MYO5B: variants seen among roughly 807,000 people sequenced by gnomAD.
MYO5B encodes the protein myosin VB, also known as unconventional myosin-Vb.
Under a neutral mutation model 229.3 loss-of-function variants are expected in MYO5B, and 143 were observed. The observed-to-expected ratio is 0.62, with a 90% CI of 0.54 to 0.72. The LOEUF is 0.72. Among genes scored for constraint, MYO5B ranks in the 30% least tolerant of loss-of-function variants. The pLI, the probability that MYO5B is intolerant of heterozygous loss-of-function variation, is 0.00. For synonymous variants in MYO5B, 918 were observed against 885.2 expected (o/e 1.04, Z -0.66); for missense variants, 2,321 against 2,331.0 (o/e 1.00, Z 0.09).
At chr18:50,102,215 C>A (rs1273572482) in intron 1 of MYO5B, among the ~76,000 whole-genome samples, 16 of 152,060 alleles carry the variant, frequency 1.1e-4, no homozygotes, top group Admixed American at 9.8e-4. Context: ...CAGATGGACA[C>A]AAGGAGGGGA....
At chr18:49,846,157 C>A (rs896710138) in intron 33 of MYO5B, among the ~76,000 whole-genome samples, 20 of 152,194 alleles carry the variant, frequency 1.3e-4, no homozygotes, top group Admixed American at 6.5e-5. Context: ...ATCGCAGGGA[C>A]AGTAAAAGCC....
At chr18:50,055,062 T>A (rs189416749) in intron 2 of MYO5B, among the ~76,000 whole-genome samples, 1 of 152,106 alleles carries the variant, frequency 6.6e-6, no homozygotes, top group African/African-American at 2.4e-5. Context: ...AATAAACACT[T>A]ATTTTTTGTG....
chr18:49,847,437 C>T (rs1260381613), intron 32 of MYO5B, 148 bp from the exon 33 acceptor site: 20 of 988,104 alleles, frequency 2.0e-5, no homozygotes, highest in Non-Finnish European at 3.1e-5. Context: ...GGGCAGGGGG[C>T]ATACTGGGTT....
chr18:50,075,424 T>C (rs2031056746), intron 1 of MYO5B, among the ~76,000 whole-genome samples: 1 of 152,216 alleles, frequency 6.6e-6, no homozygotes, highest in Non-Finnish European at 1.5e-5. Flanking sequence ...CCCTTCTTCA[T>C]AGCAGGGCAA....
At chr18:49,866,489 T>G (rs1213094274) in intron 27 of MYO5B, among the ~76,000 whole-genome samples, 2 of 152,350 alleles carry the variant, frequency 1.3e-5, no homozygotes, top group South Asian at 4.1e-4. Flanking sequence ...TCTGTCCCTA[T>G]GAAACACTAA....
intron 27 of MYO5B, among the ~76,000 whole-genome samples, chr18:49,868,035 A>C (rs1598844411): frequency 2.0e-5 from 3 of 152,346 alleles, no homozygotes; most frequent in Middle Eastern, 6.8e-3. Flanking sequence ...AATTTTAATC[A>C]ACCATGGAAA....
At chr18:49,910,451 AAAGT>A (rs1291192991) in intron 18 of MYO5B, among the ~76,000 whole-genome samples, 6 of 152,144 alleles carry the variant, frequency 3.9e-5, no homozygotes, top group Non-Finnish European at 7.3e-5. Flanking sequence ...TTGTCCATAA[AAAGT>A]AAGATGTTAA....
intron 22 of MYO5B, among the ~76,000 whole-genome samples, chr18:49,891,330 C>T (rs892295681): frequency 7.2e-5 from 11 of 152,192 alleles, no homozygotes; most frequent in Non-Finnish European, 1.3e-4. Flanking sequence ...CCCCACAGGT[C>T]ACCCTCCATC....
chr18:50,096,655 G>C (rs2031557192), intron 1 of MYO5B, among the ~76,000 whole-genome samples: 1 of 152,088 alleles, frequency 6.6e-6, no homozygotes, highest in East Asian at 1.9e-4. Context: ...GTACCCACTT[G>C]CCCCAGCACC....
intron 1 of MYO5B, among the ~76,000 whole-genome samples, chr18:50,104,141 T>G (rs2031707659): frequency 7.0e-6 from 1 of 141,884 alleles, no homozygotes; most frequent in Non-Finnish European, 1.5e-5. Flanking sequence ...CACTCCAGCC[T>G]GGGCAACAGA....
At chr18:50,092,396 A>G (rs1309271930) in intron 1 of MYO5B, among the ~76,000 whole-genome samples, 2 of 152,242 alleles carry the variant, frequency 1.3e-5, no homozygotes, top group Non-Finnish European at 2.9e-5. Context: ...GACAGGCCCA[A>G]GGTCACATGG....
chr18:49,955,790 T>C (rs1483720688), intron 12 of MYO5B, among the ~76,000 whole-genome samples: 1 of 152,260 alleles, frequency 6.6e-6, no homozygotes, highest in Non-Finnish European at 1.5e-5. Context: ...GTTTTATATT[T>C]GTCTCCAAGC....
At chr18:50,093,182 A>C (rs938444997) in intron 1 of MYO5B, among the ~76,000 whole-genome samples, 1 of 87,058 alleles carries the variant, frequency 1.1e-5, no homozygotes, top group Non-Finnish European at 2.3e-5. Context: ...GCTTTGTGCC[A>C]CACACACACA....
chr18:49,933,838 C>G lies in MYO5B; in HGVS notation c.2003+2414G>C, dbSNP rs114111332. Among the ~76,000 whole-genome samples, 489 of 152,298 alleles carry G rather than the reference C, an allele frequency of 3.2e-3. 2 individuals carry two copies. The highest frequency in any genetic ancestry group is 0.011 in the African/African-American group (446 of 41,562). On this transcript the variant is annotated intron_variant, in intron 16 of 39. Transcript: ENST00000285039. ...CTGTAATCACATAAATTTTTATACT[C>G]TCATGAATAATTCCTATTCAGATTC...
chr18:49,834,890 G>A (rs999475264), intron 39 of MYO5B, among the ~76,000 whole-genome samples: 10 of 152,042 alleles, frequency 6.6e-5, no homozygotes, highest in African/African-American at 2.2e-4. Flanking sequence ...CACCCACCTC[G>A]GCCTCCCAAA....
At chr18:49,932,902 C>G (rs1049667574) in intron 16 of MYO5B, among the ~76,000 whole-genome samples, 1 of 152,162 alleles carries the variant, frequency 6.6e-6, no homozygotes, top group Non-Finnish European at 1.5e-5. Context: ...AATGGAAAAC[C>G]AGCCCTCCTT....
At chr18:49,886,416 A>G (rs2024642431) in intron 22 of MYO5B, among the ~76,000 whole-genome samples, 1 of 152,142 alleles carries the variant, frequency 6.6e-6, no homozygotes, top group Admixed American at 6.5e-5. Context: ...GGTAATTCTG[A>G]GGCTCTAGAG....
intron 33 of MYO5B, among the ~76,000 whole-genome samples, chr18:49,843,778 A>G (rs922170975): frequency 6.6e-6 from 1 of 152,196 alleles, no homozygotes; most frequent in Non-Finnish European, 1.5e-5. Context: ...TAGCTCCCAC[A>G]TGGGGGCAGG....
chr18:50,153,713 G>A (rs913472051), intron 1 of MYO5B, among the ~76,000 whole-genome samples: 2 of 152,320 alleles, frequency 1.3e-5, no homozygotes, highest in East Asian at 1.9e-4. Flanking sequence ...GCCTCCCAAA[G>A]TGCTGGGATT....
Sources: gnomAD v4.1 joint callset for allele counts (sites outside exome capture counted in the v4.1 genomes callset) on GRCh38, gnomAD v4.1.1 for gene constraint, MANE v1.5 for transcripts, NCBI Gene and HGNC (gene_info 2026-07-23, HGNC 2026-07-21) for gene names.